Variants in TRPM3 observed in about 807,000 individuals in gnomAD.
The protein encoded by TRPM3 is long transient receptor potential channel 3.
Under a neutral mutation model 181.2 loss-of-function variants are expected in TRPM3, and 77 were observed. That is an observed-to-expected ratio of 0.42 (90% confidence interval 0.35 to 0.51). TRPM3 has a LOEUF of 0.51. TRPM3 is among the 20% of genes least tolerant of loss of function. The probability of loss-of-function intolerance (pLI) is 0.01; values close to 1 mark genes in which losing one functional copy is unlikely to be tolerated. For missense variants in TRPM3, 1,759 were observed against 2,196.7 expected, an observed-to-expected ratio of 0.80 and a Z score of 3.98; for synonymous variants, 745 against 796.4, an observed-to-expected ratio of 0.94 and a Z score of 1.09.
At chr9:71,137,375 A>G (rs938401382) in intron 1 of TRPM3, among the ~76,000 whole-genome samples, 24 of 152,224 alleles carry the variant, frequency 1.6e-4, no homozygotes, top group African/African-American at 5.5e-4. Flanking sequence ...CTTAATAAGT[A>G]TCAAGTAAAC....
intron 1 of TRPM3, among the ~76,000 whole-genome samples, chr9:71,214,327 A>T (rs1485978022): frequency 6.6e-6 from 1 of 152,096 alleles, no homozygotes; most frequent in Non-Finnish European, 1.5e-5. Flanking sequence ...GTAGAAGGAG[A>T]ACAGTTTGGA....
intron 6 of TRPM3, among the ~76,000 whole-genome samples, chr9:70,803,531 C>G (rs1033888824): frequency 6.8e-6 from 1 of 147,544 alleles, no homozygotes; most frequent in Admixed American, 6.8e-5. Context: ...TCACTGCAAG[C>G]TCCGCCTCCC....
At chr9:71,404,915 C>T (rs1321757463) in intron 1 of TRPM3, among the ~76,000 whole-genome samples, 3 of 152,086 alleles carry the variant, frequency 2.0e-5, no homozygotes, top group Non-Finnish European at 4.4e-5. Flanking sequence ...AGATCTAAAC[C>T]AAATATCCAG....
chr9:70,740,005 C>G (rs772882379), intron 8 of TRPM3, among the ~76,000 whole-genome samples: 1 of 152,056 alleles, frequency 6.6e-6, no homozygotes, highest in Non-Finnish European at 1.5e-5. Flanking sequence ...AAAGGGCATC[C>G]AAATCGGTAA....
At chr9:70,976,727 A>T (rs538715304) in intron 1 of TRPM3, among the ~76,000 whole-genome samples, 1 of 152,324 alleles carries the variant, frequency 6.6e-6, no homozygotes, top group Non-Finnish European at 1.5e-5. Flanking sequence ...TCTATGCCTC[A>T]ATCCCCTCAT....
At chr9:70,973,621 C>A (rs2097267711) in intron 1 of TRPM3, among the ~76,000 whole-genome samples, 1 of 152,132 alleles carries the variant, frequency 6.6e-6, no homozygotes, top group South Asian at 2.1e-4. Context: ...CATGTTGTGG[C>A]ATCATGTCAG....
intron 1 of TRPM3, among the ~76,000 whole-genome samples, chr9:71,087,214 T>C (rs917696560): frequency 6.6e-6 from 1 of 152,052 alleles, no homozygotes; most frequent in Non-Finnish European, 1.5e-5. Flanking sequence ...CTCGATCCCA[T>C]CTATGCCCAT....
intron 1 of TRPM3, among the ~76,000 whole-genome samples, chr9:71,307,862 C>T (rs1304537874): frequency 6.6e-6 from 1 of 151,984 alleles, no homozygotes; most frequent in African/African-American, 2.4e-5. Flanking sequence ...GTTGTAATTC[C>T]TAAGTGACTA....
chr9:71,047,751 G>T (rs1008299752), intron 1 of TRPM3, among the ~76,000 whole-genome samples: 1 of 149,524 alleles, frequency 6.7e-6, no homozygotes, highest in African/African-American at 2.5e-5. Flanking sequence ...CTGTAAGTAG[G>T]TACATATGCA....
chr9:70,641,817 A>T, intron 9 of TRPM3, among the ~76,000 whole-genome samples: 1 of 152,204 alleles, frequency 6.6e-6, no homozygotes, highest in East Asian at 1.9e-4. Context: ...GGGAAGCTGG[A>T]AATGGAGGCA....
chr9:71,187,051 G>T (rs1326425528), intron 1 of TRPM3, among the ~76,000 whole-genome samples: 1 of 151,984 alleles, frequency 6.6e-6, no homozygotes, highest in East Asian at 1.9e-4. Flanking sequence ...AGTCTGATGT[G>T]TAATTACTAG....
intron 1 of TRPM3, among the ~76,000 whole-genome samples, chr9:71,374,316 G>C (rs1329074938): frequency 1.3e-5 from 2 of 152,206 alleles, no homozygotes; most frequent in African/African-American, 2.4e-5. Context: ...AGAGGCTGCA[G>C]TGAGCCAAGA....
intron 6 of TRPM3, among the ~76,000 whole-genome samples, chr9:70,808,405 G>T (rs2091168262): frequency 6.6e-6 from 1 of 152,186 alleles, no homozygotes; most frequent in African/African-American, 2.4e-5. Flanking sequence ...ATGTAGAAAA[G>T]TCTCTTTGCT....
intron 1 of TRPM3, among the ~76,000 whole-genome samples, chr9:71,199,731 A>ATTT (rs542581530): frequency 0.24 from 35,367 of 149,014 alleles, 4,507 homozygotes; most frequent in East Asian, 0.35. Context: ...CCCCTTTATC[A>ATTT]TTTTTTTTGC....
intron 6 of TRPM3, among the ~76,000 whole-genome samples, chr9:70,806,657 T>G (rs1415828695): frequency 6.6e-6 from 1 of 151,192 alleles, no homozygotes; most frequent in Non-Finnish European, 1.5e-5. Context: ...GCCACTGCAC[T>G]CCAGCCTGGG....
At chr9:70,653,414 G>A (rs1000623366) in intron 9 of TRPM3, among the ~76,000 whole-genome samples, 7 of 152,024 alleles carry the variant, frequency 4.6e-5, no homozygotes, top group Non-Finnish European at 8.8e-5. Flanking sequence ...GACATCACAA[G>A]CATGTCACGG....
chr9:71,226,224 CA>C (rs1382392400), intron 1 of TRPM3, among the ~76,000 whole-genome samples: 1 of 151,126 alleles, frequency 6.6e-6, no homozygotes, highest in Non-Finnish European at 1.5e-5. Context: ...AACTTATCAC[CA>C]GAGAAAATCA....
intron 7 of TRPM3, among the ~76,000 whole-genome samples, chr9:70,764,799 C>CT (rs1336470444): frequency 1.3e-5 from 2 of 152,156 alleles, no homozygotes; most frequent in African/African-American, 4.8e-5. Context: ...TGATTCAGTT[C>CT]TTTTTCCATC....
intron 3 of TRPM3, among the ~76,000 whole-genome samples, chr9:70,854,454 C>T (rs1281810543): frequency 6.6e-6 from 1 of 152,132 alleles, no homozygotes; most frequent in Non-Finnish European, 1.5e-5. Context: ...CTAATAAATG[C>T]AAATTGAATG....
Sources: gnomAD v4.1 joint callset for allele counts (sites outside exome capture counted in the v4.1 genomes callset) on GRCh38, gnomAD v4.1.1 for gene constraint, MANE v1.5 for transcripts, NCBI Gene and HGNC (gene_info 2026-07-23, HGNC 2026-07-21) for gene names.